NIPA1: variants seen among roughly 807,000 people sequenced by gnomAD.
NIPA1 encodes NIPA magnesium transporter 1.
NIPA1 carries 13 observed loss-of-function variants against 23.9 expected under a neutral mutation model. That is an observed-to-expected ratio of 0.54 (90% CI 0.35 to 0.87). The LOEUF is 0.87. Ranked by LOEUF, NIPA1 falls within the 40% of genes least tolerant of loss-of-function variation. NIPA1 has a pLI of 0.01. For synonymous variants in NIPA1, 234 were observed against 202.9 expected (o/e 1.15, Z -1.30); for missense variants, 362 against 429.7 (o/e 0.84, Z 1.39).
At chr15:22,820,251 T>A in intron 3 of NIPA1, 62 bp from the exon 4 acceptor site, 1 of 1,134,866 alleles carries the variant, frequency 8.8e-7, no homozygotes, top group Non-Finnish European at 1.3e-6. Flanking sequence ...AAATATCTGC[T>A]GTTAGAAGAA....
At chr15:22,802,045 G>A (rs1895093616) in intron 1 of NIPA1, among the ~76,000 whole-genome samples, 1 of 152,136 alleles carries the variant, frequency 6.6e-6, no homozygotes, top group Non-Finnish European at 1.5e-5. Context: ...ACAGTGGTTA[G>A]TTGTATTAGG....
intron 3 of NIPA1, among the ~76,000 whole-genome samples, chr15:22,813,216 G>A (rs573400210): frequency 4.7e-4 from 72 of 152,092 alleles, no homozygotes; most frequent in Non-Finnish European, 9.6e-4. Flanking sequence ...CCATGCCAAG[G>A]GACTGAGGAC....
Position 22,824,275 on chromosome 15 carries a change from C to G in NIPA1, c.*36C>G. ...GAGCTTGGATGGTTCGAGGAATAGG[C>G]ATTGGAGGTGGTTTCTGGCCGTGAT... On this transcript the variant is annotated 3_prime_UTR_variant, in exon 5 of 5. Coordinates refer to ENST00000337435, the MANE Select transcript of NIPA1 (RefSeq NM_144599.5). This position sits in a 1 kb window ranked among gnomAD's most constrained non-coding sequence, Gnocchi z 4.1. 2 of 1,575,834 alleles carry G rather than the reference C, an allele frequency of 1.3e-6. No individual in the cohort carries two copies. Among genetic ancestry groups the G allele is most frequent in the Non-Finnish European group, 8.7e-7 (1 of 1,145,454 alleles).
chr15:22,821,542 C>G (rs541458545), intron 4 of NIPA1, among the ~76,000 whole-genome samples: 1 of 151,522 alleles, frequency 6.6e-6, no homozygotes, highest in Non-Finnish European at 1.5e-5. Flanking sequence ...TGTCCACACT[C>G]GGTGGTCTGC....
chr15:22,786,677 AGCGGCGGCGGCGGCGGCGGCG>A lies in NIPA1; in HGVS notation c.27_47del (p.Ala10_Ala16del), dbSNP rs531550505. The A allele has an allele frequency of 4.5e-5, 48 of 1,071,500 alleles. 3 individuals are homozygous for A. In the South Asian group the frequency reaches 1.0e-3, roughly 23 times the overall value. The allele number at this position is 1,071,500 out of a possible 1,614,324, so 66.4% of individuals were successfully genotyped here. On this transcript the variant is annotated inframe_deletion, in exon 1 of 5. Coordinates refer to ENST00000337435, the MANE Select transcript of NIPA1 (RefSeq NM_144599.5). ...GCGGAATGGGGACTGCAGCTGCGGCAGCGGCGGCGGCGGCGGCGGCGGCGGCCGGGGAGGGGGCGCGTAGCC... is the reference window on the plus strand; with the variant it reads ...GCGGAATGGGGACTGCAGCTGCGGCAGCGGCCGGGGAGGGGGCGCGTAGCC...
chr15:22,816,606 C>T (rs113792891), intron 3 of NIPA1, among the ~76,000 whole-genome samples: 4,316 of 148,360 alleles, frequency 0.029, 188 homozygotes, highest in African/African-American at 0.096. Flanking sequence ...ATTCTCCTGC[C>T]TCAGCCTCCG....
chr15:22,802,473 C>T (rs1895105286), intron 1 of NIPA1, among the ~76,000 whole-genome samples: 1 of 151,572 alleles, frequency 6.6e-6, no homozygotes, highest in Non-Finnish European at 1.5e-5. Flanking sequence ...ATGTACACAC[C>T]TCCATGAGTG....
At chr15:22,806,809 G>A (rs760023233) in intron 1 of NIPA1, among the ~76,000 whole-genome samples, 1 of 152,148 alleles carries the variant, frequency 6.6e-6, no homozygotes, top group African/African-American at 2.4e-5. Context: ...GAAGGAGGAG[G>A]GAAAATGGAG....
intron 4 of NIPA1, 21 bp downstream of exon 4, chr15:22,820,494 C>G: frequency 6.2e-7 from 1 of 1,607,472 alleles, no homozygotes. Context: ...TCTAGCAGCA[C>G]TGCCAAGAAA....
chr15:22,813,879 GGA>G (rs1295704664), intron 3 of NIPA1, among the ~76,000 whole-genome samples: 1 of 152,084 alleles, frequency 6.6e-6, no homozygotes, highest in Non-Finnish European at 1.5e-5. Context: ...TCTCACTTTG[GGA>G]AACACTCCTC....
chr15:22,805,556 G>A (rs971237799), intron 1 of NIPA1, among the ~76,000 whole-genome samples: 2 of 152,092 alleles, frequency 1.3e-5, no homozygotes, highest in Non-Finnish European at 2.9e-5. Context: ...GTGTGGTGGC[G>A]CAGCCTGTAA....
chr15:22,812,283 A>G (rs780644568), intron 3 of NIPA1, 30 bp downstream of exon 3: 2 of 1,449,002 alleles, frequency 1.4e-6, no homozygotes, highest in Non-Finnish European at 1.9e-6. Context: ...TTGGTATTTA[A>G]TGTGTAGTGT....
Position 22,824,085 on chromosome 15 carries a change from TC to T in NIPA1, c.837del (p.Phe280SerfsTer42). 1 of 1,614,138 alleles carries T rather than the reference TC, an allele frequency of 6.2e-7. No individual in the cohort carries two copies. Among genetic ancestry groups the T allele is most frequent in the East Asian group, 2.2e-5 (1 of 44,882 alleles). On this transcript the variant is annotated frameshift_variant, in exon 5 of 5. Transcript: ENST00000337435. LOFTEE classifies it high-confidence loss of function. The surrounding 1 kb of genome is among the most constrained non-coding windows in gnomAD (Gnocchi z 4.1). ...CTGGTCCTGCTGGCCTCAGCCATCC[TC>T]TTCCGGGAGTGGAGCAACGTGGGCC... is the stretch of plus-strand genomic sequence containing the variant. ...TTLVLLASAI[L>X]FREWSNVGLV...
At chr15:22,817,658 A>G (rs900608060) in intron 3 of NIPA1, among the ~76,000 whole-genome samples, 3 of 151,770 alleles carry the variant, frequency 2.0e-5, no homozygotes, top group African/African-American at 7.3e-5. Context: ...ACAAAAAATT[A>G]GCCGGGCGTA....
chr15:22,816,864 C>T (rs988449436), intron 3 of NIPA1, among the ~76,000 whole-genome samples: 6 of 151,706 alleles, frequency 4.0e-5, no homozygotes, highest in African/African-American at 9.7e-5. Flanking sequence ...TTAGCAAGGT[C>T]GATGGACACA....
In NIPA1 at chr15:22,824,040, A is replaced by T; in HGVS notation, c.791A>T (p.Tyr264Phe). 1 of 1,614,120 alleles carries T rather than the reference A, an allele frequency of 6.2e-7. No individual in the cohort carries two copies. Among genetic ancestry groups the T allele is most frequent in the African/African-American group, 1.3e-5 (1 of 75,058 alleles). Residue 264 changes from tyrosine (Y) to phenylalanine (F), a missense_variant, in exon 5 of 5, where the codon TAC (tyrosine) becomes TTC (phenylalanine). Physicochemically the swap from Tyr to Phe is conservative, Grantham distance 22. This residue lies in a region of NIPA1 where 277 missense variants were observed against 372.0 expected (regional missense o/e 0.74). Transcript: ENST00000337435. The surrounding 1 kb of genome is among the most constrained non-coding windows in gnomAD (Gnocchi z 4.1). ...GACTCCTCGGTGTTCGGGGCCATCT[A>T]CTACGTCGTGTTTACCACGCTGGTC... Reference protein sequence around the residue: ...CFDSSVFGAIYYVVFTTLVLL... With the variant: ...CFDSSVFGAIFYVVFTTLVLL...
intron 1 of NIPA1, among the ~76,000 whole-genome samples, chr15:22,788,388 C>G (rs1010529155): frequency 6.6e-6 from 1 of 151,466 alleles, no homozygotes; most frequent in Non-Finnish European, 1.5e-5. Flanking sequence ...GTAGTACCAG[C>G]TACTCGAGAG....
In NIPA1 at chr15:22,824,357, CAG is replaced by C; in HGVS notation, c.*119_*120del. The stretch of plus-strand genomic sequence containing the variant: ...GGTGTTAGAATTGACTGGATAGTAA[CAG>C]GTGGTCTGGTGGATAGCGGGGAGCA... On this transcript the variant is annotated 3_prime_UTR_variant, in exon 5 of 5. Coordinates refer to ENST00000337435, the MANE Select transcript of NIPA1 (RefSeq NM_144599.5). The surrounding 1 kb of genome is among the most constrained non-coding windows in gnomAD (Gnocchi z 4.1). 1.0e-6 allele frequency: 1 copy of C among 953,582 alleles called. No homozygotes were observed. The highest frequency in any genetic ancestry group is 1.7e-6 in the Non-Finnish European group (1 of 593,124). The allele number at this position is 953,582 out of a possible 1,614,324, so 59.1% of individuals were successfully genotyped here.
At chr15:22,815,225 A>G (rs954562862) in intron 3 of NIPA1, among the ~76,000 whole-genome samples, 1 of 152,208 alleles carries the variant, frequency 6.6e-6, no homozygotes, top group African/African-American at 2.4e-5. Flanking sequence ...TACAGTGATC[A>G]ATTTCGATAA....
Sources: allele counts gnomAD v4.1 joint callset (sites outside exome capture counted in the v4.1 genomes callset), GRCh38; gene constraint gnomAD v4.1.1; regional missense constraint gnomAD v4.1.1; non-coding constraint Gnocchi (gnomAD v3.1); transcripts MANE v1.5; gene names NCBI Gene and HGNC (gene_info 2026-07-23, HGNC 2026-07-21).